The following FLCN variants were observed in gnomAD, a reference collection of about 807,000 sequenced individuals.
FLCN encodes the protein BHD skin lesion fibrofolliculoma protein.
A neutral mutation model predicts 62.5 loss-of-function variants in FLCN; 22 were observed. The ratio of observed to expected loss-of-function variants is 0.35; its 90% CI spans 0.25 to 0.50. The LOEUF (loss-of-function observed/expected upper bound fraction) is 0.50. Among genes scored for constraint, FLCN ranks in the 20% least tolerant of loss-of-function variants. The pLI is 0.97. For synonymous variants in FLCN, 319 were observed against 310.0 expected, an observed-to-expected ratio of 1.03 and a Z score of -0.30; for missense variants, 657 against 778.0, an observed-to-expected ratio of 0.84 and a Z score of 1.85.
intron 5 of FLCN, chr17:17,225,842 C>A (rs1156535145): frequency 2.5e-6 from 1 of 403,610 alleles, no homozygotes; most frequent in Non-Finnish European, 4.9e-6. Flanking sequence ...GACGGCACCA[C>A]TGCACTCCAG....
intron 8 of FLCN, chr17:17,220,955 T>G (rs1266259545): frequency 2.8e-6 from 1 of 360,146 alleles, no homozygotes; most frequent in Non-Finnish European, 5.3e-6. Flanking sequence ...TGACATGTGG[T>G]GTGGAACAAT....
intron 6 of FLCN, among the ~76,000 whole-genome samples, chr17:17,223,677 A>G (rs1198711411): frequency 6.6e-6 from 1 of 152,250 alleles, no homozygotes; most frequent in Admixed American, 6.5e-5. Context: ...TGACTGCAGC[A>G]AAGAAACCAG....
rs890962975 is a variant in FLCN, at chr17:17,216,951, C to T, written c.1176+118G>A. On this transcript the variant is annotated intron_variant, in intron 10 of 13. Transcript: ENST00000285071. This position sits in a 1 kb window ranked among gnomAD's most constrained non-coding sequence, Gnocchi z 4.0. ...TGCCCACTGCGCCCCCAGTGGAGACCGTGTGGTGCACAGCGGTTCTGTGCT... is the reference window on the plus strand; with the variant it reads ...TGCCCACTGCGCCCCCAGTGGAGACTGTGTGGTGCACAGCGGTTCTGTGCT... 14 of 784,938 alleles carry T rather than the reference C, an allele frequency of 1.8e-5. No homozygotes were observed. The highest frequency in any genetic ancestry group is 5.8e-5 in the South Asian group (4 of 69,454). 48.6% of individuals were successfully genotyped at this position (784,938 alleles called of 1,614,324 possible). A position where few individuals can be genotyped will look rare whatever the true frequency, so the allele number is the denominator to read the frequency against.
chr17:17,228,591 A>ACT (rs879730153), intron 3 of FLCN: 7,722 of 201,090 alleles, frequency 0.038, 357 homozygotes, highest in South Asian at 0.16. Context: ...CCAAGGTGCT[A>ACT]GGCAACATGA....
At chr17:17,235,813 T>G (rs140575939) in intron 1 of FLCN, 1 of 152,400 alleles carries the variant, frequency 6.6e-6, no homozygotes, top group Non-Finnish European at 1.5e-5. Flanking sequence ...CTCACGAGTC[T>G]GTTTCCAACA....
At chr17:17,226,548 C>T (rs1353992942) in intron 4 of FLCN, among the ~76,000 whole-genome samples, 1 of 152,194 alleles carries the variant, frequency 6.6e-6, no homozygotes, top group Non-Finnish European at 1.5e-5. Flanking sequence ...ATTTGCTGAG[C>T]ACTTACGAAG....
Position 17,217,183 on chromosome 17 carries a change from C to T in FLCN, c.1063-1G>A, listed in dbSNP as rs2046952392. 6.2e-7 allele frequency: 1 copy of T among 1,607,132 alleles called. No individual in the cohort carries two copies. The highest frequency in any genetic ancestry group is 1.7e-5 in the Admixed American group (1 of 59,968). On this transcript the variant is annotated splice_acceptor_variant, in intron 9 of 13. Transcript: ENST00000285071. LOFTEE classifies it high-confidence loss of function. ...TGCGGAAAGAAGGGGCACCCAGGAC[C>T]TAAACAAGAGAGTGCAGTGCTTTCA...
At chr17:17,233,302 A>T (rs190959539) in intron 1 of FLCN, among the ~76,000 whole-genome samples, 108 of 152,140 alleles carry the variant, frequency 7.1e-4, no homozygotes, top group East Asian at 1.9e-3. Context: ...AAAATTTTTA[A>T]AAAAAATTAG....
At chr17:17,220,584 T>G (rs1250514603) in intron 8 of FLCN, 1 of 152,532 alleles carries the variant, frequency 6.6e-6, no homozygotes, top group Non-Finnish European at 1.5e-5. Context: ...GGGCAAGCCC[T>G]GAGCCCGAAA....
At position 17,227,948 on chromosome 17, in the gene FLCN, CG is replaced by C. The variant is rs876660611; in HGVS notation, c.189del (p.Ala64GlnfsTer66). 1 of 1,614,026 alleles carries C rather than the reference CG, an allele frequency of 6.2e-7. No individual in the cohort carries two copies. The highest frequency in any genetic ancestry group is 1.3e-5 in the African/African-American group (1 of 74,954). On this transcript the variant is annotated frameshift_variant, in exon 4 of 14. Transcript: ENST00000285071. LOFTEE classifies it high-confidence loss of function. The stretch of plus-strand genomic sequence containing the variant: ...CTGGACTCGACGCTGGCCCCCTCTG[CG>C]GGGCTGTGCGCACGCATCCGACTGT... ...QMNSRMRAHS[P>X]AEGASVESSS...
Position 17,228,125 on chromosome 17 carries a change from C to A in FLCN, c.13G>T (p.Val5Leu). MNAI[V>L]ALCHFCELHG... ...AGCTCGCAGAAGTGGCAGAGAGCCA[C>A]GATGGCATTCATGGTGCCTTGGAGA... The change falls in exon 4 of 14, where the codon GTG becomes TTG. Residue 5 changes from valine to leucine, a missense_variant. Val to Leu is a conservative substitution (Grantham distance 32). Transcript: ENST00000285071. 6.2e-7 allele frequency: 1 copy of A among 1,612,914 alleles called. No homozygotes were observed. Among genetic ancestry groups the A allele is most frequent in the Non-Finnish European group, 8.5e-7 (1 of 1,179,990 alleles).
intron 1 of FLCN, among the ~76,000 whole-genome samples, chr17:17,234,280 C>T (rs1344994135): frequency 1.3e-5 from 2 of 149,922 alleles, no homozygotes; most frequent in Non-Finnish European, 3.0e-5. Context: ...GCAGCAATCT[C>T]GGATCACTGC....
chr17:17,233,425 A>T (rs930069913), intron 1 of FLCN, among the ~76,000 whole-genome samples: 1 of 151,654 alleles, frequency 6.6e-6, no homozygotes, highest in Non-Finnish European at 1.5e-5. Flanking sequence ...GTGAAACCCC[A>T]TCTCTACTAA....
chr17:17,215,846 C>T (rs1335840510), intron 11 of FLCN, among the ~76,000 whole-genome samples: 1 of 152,140 alleles, frequency 6.6e-6, no homozygotes, highest in African/African-American at 2.4e-5. Context: ...TGGGGGAAGT[C>T]ACTGATGAGC....
Position 17,217,956 on chromosome 17 carries a change from C to G in FLCN, c.1063-774G>C, listed in dbSNP as rs557634033. 7.2e-5 allele frequency among the ~76,000 whole-genome samples: 11 copies of G among 152,330 alleles called. No homozygotes were observed. The East Asian group carries it at 2.1e-3, about 29-fold the overall frequency. ...CCAGACCCCTTCCAACCTTCATCAACATAAGCAACGGACAAGGAAGGTTTC... is the reference window on the plus strand; with the variant it reads ...CCAGACCCCTTCCAACCTTCATCAAGATAAGCAACGGACAAGGAAGGTTTC... On this transcript the variant is annotated intron_variant, in intron 9 of 13. Coordinates refer to ENST00000285071, the MANE Select transcript of FLCN (RefSeq NM_144997.7).
chr17:17,217,863 G>A (rs1219323938), intron 9 of FLCN, among the ~76,000 whole-genome samples: 1 of 152,154 alleles, frequency 6.6e-6, no homozygotes. Context: ...CAACATAAGA[G>A]AGAGGCCACA....
At chr17:17,230,078 C>T (rs535814321) in intron 3 of FLCN, among the ~76,000 whole-genome samples, 9 of 152,178 alleles carry the variant, frequency 5.9e-5, no homozygotes, top group Non-Finnish European at 1.2e-4. Context: ...GTTCTGGAAA[C>T]GAGACCGCAA....
chr17:17,219,222 T>C lies in FLCN; in HGVS notation c.872-13A>G, dbSNP rs114970273. 4,650 of 1,613,266 alleles carry C rather than the reference T, an allele frequency of 2.9e-3. 99 individuals carry two copies. The African/African-American group carries it at 0.052, about 18-fold the overall frequency. On this transcript the variant is annotated splice_polypyrimidine_tract_variant and intron_variant, in intron 8 of 13. Transcript: ENST00000285071. Reference sequence around the variant, plus strand: ...TCCTCTTCTAAATCTGCAAGACAGATGACAAGGACAGTTACAGATACAAAC... The same window carrying C: ...TCCTCTTCTAAATCTGCAAGACAGACGACAAGGACAGTTACAGATACAAAC...
chr17:17,215,698 C>T (rs80154877), intron 11 of FLCN, among the ~76,000 whole-genome samples: 2,231 of 152,246 alleles, frequency 0.015, 53 homozygotes, highest in African/African-American at 0.05. Context: ...CTGTTTGAAA[C>T]CAGAGCCTGT....
Sources: allele counts gnomAD v4.1 joint callset (sites outside exome capture counted in the v4.1 genomes callset), GRCh38; gene constraint gnomAD v4.1.1; non-coding constraint Gnocchi (gnomAD v3.1); transcripts MANE v1.5; gene names NCBI Gene and HGNC (gene_info 2026-07-23, HGNC 2026-07-21).